The following SNX29 variants were observed in gnomAD, a reference collection of about 807,000 sequenced individuals.
SNX29 encodes the protein sorting nexin-29.
SNX29 carries 78 observed loss-of-function variants against 102.1 expected under a neutral mutation model. The observed-to-expected ratio is 0.76, with a 90% CI of 0.64 to 0.92. The LOEUF is 0.92. Ranked by LOEUF, SNX29 falls within the 40% of genes least tolerant of loss-of-function variation. The pLI is 0.00. For synonymous variants in SNX29, 580 were observed against 414.5 expected, an observed-to-expected ratio of 1.40 and a Z score of -4.85; for missense variants, 1,280 against 1,061.7, an observed-to-expected ratio of 1.21 and a Z score of -2.86.
At chr16:12,050,574 T>C (rs1033624642) in intron 7 of SNX29, among the ~76,000 whole-genome samples, 1 of 152,008 alleles carries the variant, frequency 6.6e-6, no homozygotes, top group African/African-American at 2.4e-5. Flanking sequence ...GCAGCTCGGG[T>C]TCTACTCATA....
intron 16 of SNX29, chr16:12,367,426 G>C (rs1488337018): frequency 6.6e-6 from 1 of 152,204 alleles, no homozygotes; most frequent in Non-Finnish European, 1.5e-5. Context: ...GCTGTGAGCC[G>C]TCTGTGTTAC....
intron 20 of SNX29, among the ~76,000 whole-genome samples, chr16:12,525,309 T>G (rs966988630): frequency 5.9e-5 from 9 of 151,476 alleles, no homozygotes; most frequent in Admixed American, 3.9e-4. Context: ...TTTAAATGCC[T>G]TCTTCTCTCT....
Position 12,568,583 on chromosome 16 carries a change from AG to A in SNX29, c.2397del (p.Gln799HisfsTer45), listed in dbSNP as rs1567225080. On this transcript the variant is annotated frameshift_variant, in exon 21 of 21. Coordinates refer to ENST00000566228, the MANE Select transcript of SNX29 (RefSeq NM_032167.5). LOFTEE classifies it high-confidence loss of function. Reference protein sequence around the residue: ...ASRFPKLSRGQPRETRNVEPQ... With the variant: ...ASRFPKLSRGXPRETRNVEPQ... ...CGCTTCCCCAAACTGTCCCGGGGTCAGCCCCGGGAGACCCGCAACGTGGAGC... is the reference window on the plus strand; with the variant it reads ...CGCTTCCCCAAACTGTCCCGGGGTCACCCCGGGAGACCCGCAACGTGGAGC... 6.2e-7 allele frequency: 1 copy of A among 1,607,086 alleles called. No individual in the cohort carries two copies. Among genetic ancestry groups the A allele is most frequent in the Non-Finnish European group, 8.5e-7 (1 of 1,179,830 alleles).
rs140990735 is a variant in SNX29 at position 12,563,005 on chromosome 16, C to T, written c.2319-5501C>T. Among the ~76,000 whole-genome samples the T allele has an allele frequency of 8.9e-3, 1,356 of 152,248 alleles. 20 individuals carry two copies. The highest frequency in any genetic ancestry group is 0.031 in the African/African-American group (1,299 of 41,520). On this transcript the variant is annotated intron_variant, in intron 20 of 20. Transcript: ENST00000566228. ...ATGCGTAAGAAAAACTGCTTCAATGCGCCTTTCAAACCGTGTTTACATCAT... is the reference window on the plus strand; with the variant it reads ...ATGCGTAAGAAAAACTGCTTCAATGTGCCTTTCAAACCGTGTTTACATCAT...
chr16:12,138,034 T>C (rs1417242228), intron 13 of SNX29, among the ~76,000 whole-genome samples: 2 of 152,114 alleles, frequency 1.3e-5, no homozygotes, highest in African/African-American at 4.8e-5. Context: ...AGTGTTGTTA[T>C]TGATTAGCAA....
At chr16:12,396,601 G>T (rs1004192668) in intron 16 of SNX29, among the ~76,000 whole-genome samples, 1 of 152,188 alleles carries the variant, frequency 6.6e-6, no homozygotes, top group African/African-American at 2.4e-5. Flanking sequence ...AGATACTGGC[G>T]TCCTCCACAT....
chr16:12,402,971 C>G (rs2084007524), intron 17 of SNX29, among the ~76,000 whole-genome samples: 1 of 152,128 alleles, frequency 6.6e-6, no homozygotes, highest in Non-Finnish European at 1.5e-5. Context: ...TTAAAATGGG[C>G]TCAGGGTCAG....
At chr16:12,548,625 A>G (rs778656504) in intron 20 of SNX29, among the ~76,000 whole-genome samples, 2 of 152,214 alleles carry the variant, frequency 1.3e-5, no homozygotes, top group African/African-American at 2.4e-5. Context: ...CCCACAGCAG[A>G]AGAGGCTCTT....
At chr16:12,463,308 T>G (rs2086895788) in intron 18 of SNX29, among the ~76,000 whole-genome samples, 1 of 152,182 alleles carries the variant, frequency 6.6e-6, no homozygotes, top group East Asian at 1.9e-4. Context: ...ATTAGTCGGT[T>G]TTCATGCTGC....
intron 15 of SNX29, among the ~76,000 whole-genome samples, chr16:12,328,780 C>G (rs2081201109): frequency 6.6e-6 from 1 of 152,120 alleles, no homozygotes; most frequent in Non-Finnish European, 1.5e-5. Context: ...ATTATTGCCA[C>G]AAATGCTTCT....
intron 12 of SNX29, among the ~76,000 whole-genome samples, chr16:12,127,605 A>G (rs1370777036): frequency 1.3e-5 from 2 of 152,022 alleles, no homozygotes; most frequent in African/African-American, 2.4e-5. Context: ...TATTTTTAGT[A>G]GAGTTGGGGT....
intron 18 of SNX29, among the ~76,000 whole-genome samples, chr16:12,457,191 T>G (rs1042476562): frequency 5.9e-5 from 9 of 152,200 alleles, no homozygotes; most frequent in African/African-American, 1.9e-4. Flanking sequence ...AACAGTACAA[T>G]AAACACCGGT....
At chr16:12,007,760 C>T (rs1013788611) in intron 3 of SNX29, among the ~76,000 whole-genome samples, 1 of 152,154 alleles carries the variant, frequency 6.6e-6, no homozygotes, top group African/African-American at 2.4e-5. Flanking sequence ...GTCCTGCTTC[C>T]ACCACATTGA....
At chr16:12,128,070 G>T (rs2054295062) in intron 12 of SNX29, among the ~76,000 whole-genome samples, 1 of 152,070 alleles carries the variant, frequency 6.6e-6, no homozygotes, top group Non-Finnish European at 1.5e-5. Context: ...GTCCTTTCTG[G>T]AAACATATAA....
At chr16:12,538,947 T>C (rs1367656242) in intron 20 of SNX29, among the ~76,000 whole-genome samples, 4 of 152,192 alleles carry the variant, frequency 2.6e-5, no homozygotes, top group African/African-American at 9.7e-5. Flanking sequence ...GTAGCAGTGC[T>C]GTGAAATGCT....
intron 14 of SNX29, among the ~76,000 whole-genome samples, chr16:12,213,000 GCTA>G (rs567552878): frequency 4.4e-4 from 67 of 152,306 alleles, no homozygotes; most frequent in African/African-American, 1.6e-3. Context: ...TGTAATCCCA[GCTA>G]CTCGGGAGGC....
At chr16:12,495,730 G>T (rs1360185204) in intron 19 of SNX29, among the ~76,000 whole-genome samples, 1 of 152,186 alleles carries the variant, frequency 6.6e-6, no homozygotes, top group Non-Finnish European at 1.5e-5. Context: ...GTGGCTGGGA[G>T]TCTCCTGTGA....
chr16:12,417,940 A>T (rs114815170), intron 18 of SNX29, among the ~76,000 whole-genome samples: 1 of 152,094 alleles, frequency 6.6e-6, no homozygotes, highest in Non-Finnish European at 1.5e-5. Context: ...GGTACTCCGC[A>T]CTGTCTGTCT....
rs139799565 is a variant in SNX29, at chr16:12,283,882, A to G, written c.1782+5846A>G. On this transcript the variant is annotated intron_variant, in intron 15 of 20. Coordinates refer to ENST00000566228, the MANE Select transcript of SNX29 (RefSeq NM_032167.5). ...TGGCACCTAACCACAGCTTCTTTAG[A>G]TAATTCCTCCCCACTTCTTAGGGAC... Among the ~76,000 whole-genome samples, 10 of 152,312 alleles carry G rather than the reference A, an allele frequency of 6.6e-5. No individual in the cohort carries two copies. The East Asian group carries it at 1.9e-3, about 29-fold the overall frequency.
Sources: gnomAD v4.1 joint callset for allele counts (sites outside exome capture counted in the v4.1 genomes callset) on GRCh38, gnomAD v4.1.1 for gene constraint, MANE v1.5 for transcripts, NCBI Gene and HGNC (gene_info 2026-07-23, HGNC 2026-07-21) for gene names.